Variants in WDR93 observed in about 807,000 individuals in gnomAD.
WDR93 encodes the protein WD repeat-containing protein 93.
A neutral mutation model predicts 82.9 loss-of-function variants in WDR93; 73 were observed. The ratio of observed to expected loss-of-function variants is 0.88; its 90% CI spans 0.73 to 1.07. The LOEUF (loss-of-function observed/expected upper bound fraction) is 1.07, where lower values mean the gene tolerates loss of function less well. Among genes scored for constraint, WDR93 ranks in the 50% least tolerant of loss-of-function variants. WDR93 has a pLI of 0.00. For synonymous variants in WDR93, 283 were observed against 300.1 expected, an observed-to-expected ratio of 0.94 and a Z score of 0.59; for missense variants, 738 against 826.0, an observed-to-expected ratio of 0.89 and a Z score of 1.31.
intron 16 of WDR93, among the ~76,000 whole-genome samples, chr15:89,741,726 A>G (rs1179419070): frequency 1.3e-5 from 2 of 152,082 alleles, no homozygotes; most frequent in Admixed American, 1.3e-4. Flanking sequence ...ATAACCGGTT[A>G]TATAAATCTA....
At chr15:89,732,910 A>C (rs1393947056) in intron 12 of WDR93, 96 bp from the exon 13 acceptor site, 1 of 1,179,754 alleles carries the variant, frequency 8.5e-7, no homozygotes, top group African/African-American at 1.5e-5. Context: ...TTCACATCCT[A>C]CAAGTCCCTC....
chr15:89,697,480 C>A (rs146949752), intron 1 of WDR93, among the ~76,000 whole-genome samples: 2,304 of 152,178 alleles, frequency 0.015, 29 homozygotes, highest in Non-Finnish European at 0.022. Flanking sequence ...TAAAATAATT[C>A]TGTTGCAGTC....
chr15:89,697,774 C>T (rs1965254458), intron 1 of WDR93, among the ~76,000 whole-genome samples: 1 of 152,012 alleles, frequency 6.6e-6, no homozygotes, highest in Admixed American at 6.6e-5. Context: ...TCCTGTTTCT[C>T]ATTAAATTCT....
rs16974175 is a variant in WDR93, at chr15:89,703,105, A to G, written c.459A>G (p.Leu153=). The part of the protein sequence containing the change: ...VDVTSIWATD[L]GNEILIAPVD... ...TCACTTCCATCTGGGCCACAGATTT[A>G]GGGAATGAAATACTCATTGCTCCTG... Residue 153 remains leucine, a synonymous_variant, in exon 3 of 17, where the codon TTA becomes TTG. Transcript: ENST00000268130. 0.44 allele frequency: 711,355 copies of G among 1,613,760 alleles called. 159,782 individuals carry two copies. Among genetic ancestry groups the G allele is most frequent in the African/African-American group, 0.5 (37,407 of 74,904 alleles).
chr15:89,690,489 T>C (rs1054629118), upstream of WDR93: 35 of 959,834 alleles, frequency 3.6e-5, no homozygotes, highest in African/African-American at 5.5e-4. Flanking sequence ...TACTAGGCTA[T>C]CACCTCCTTT....
In WDR93 at chr15:89,727,149, C is replaced by T. The variant is rs1260671528; in HGVS notation, c.881-8C>T. The T allele has an allele frequency of 2.4e-5, 38 of 1,611,958 alleles. No homozygotes were observed. Among genetic ancestry groups the T allele is most frequent in the Non-Finnish European group, 2.6e-5 (31 of 1,178,802 alleles). On this transcript the variant is annotated splice_region_variant and splice_polypyrimidine_tract_variant and intron_variant, in intron 8 of 16. Coordinates refer to ENST00000268130, the MANE Select transcript of WDR93 (RefSeq NM_020212.2). ...GGCTTGACTAATTCTGTAATATTTT[C>T]AACCTAGGCACCACATTCAAAAGCC...
rs377345020 is a variant in WDR93, at chr15:89,703,057, G to A, written c.411G>A (p.Ala137=). The A allele has an allele frequency of 2.3e-5, 37 of 1,614,064 alleles. 1 individual carries two copies. Among genetic ancestry groups the A allele is most frequent in the African/African-American group, 1.6e-4 (12 of 74,926 alleles). ...TGTACAGTGCTAAACAAATATATGC[G>A]TGGGAGAAGCTTAAGGTTGATGTCA... ...YNLYSAKQIY[A]WEKLKVDVTS... Residue 137 remains alanine, a synonymous_variant, in exon 3 of 17, where the codon GCG becomes GCA. Coordinates refer to ENST00000268130, the MANE Select transcript of WDR93 (RefSeq NM_020212.2).
intron 16 of WDR93, among the ~76,000 whole-genome samples, chr15:89,739,760 G>A (rs563019398): frequency 8.5e-5 from 13 of 152,218 alleles, no homozygotes; most frequent in African/African-American, 2.6e-4. Flanking sequence ...TGTATGTAAC[G>A]TGACCTCTGA....
At chr15:89,719,720 CCA>C (rs1242240449) in intron 7 of WDR93, 7 of 151,914 alleles carry the variant, frequency 4.6e-5, no homozygotes, top group African/African-American at 1.5e-4. Flanking sequence ...TCACTGATTT[CCA>C]GTTTGTTTTT....
rs764676468 is a variant in WDR93, at chr15:89,737,686, A to G, written c.1722A>G (p.Pro574=). 2 of 1,614,122 alleles carry G rather than the reference A, an allele frequency of 1.2e-6. No homozygotes were observed. The highest frequency in any genetic ancestry group is 1.7e-6 in the Non-Finnish European group (2 of 1,180,020). The change falls in exon 15 of 17, where the codon CCA becomes CCG. Residue 574 remains proline, a synonymous_variant. Coordinates refer to ENST00000268130, the MANE Select transcript of WDR93 (RefSeq NM_020212.2). The part of the protein sequence containing the change: ...GAFPLEVPWK[P]VFAVSPDHPC... ...TTCCTCTGGAGGTCCCCTGGAAGCC[A>G]GTGTTTGCTGTGTCTCCAGACCATC... is the stretch of plus-strand genomic sequence containing the variant.
At position 89,701,891 on chromosome 15, in the gene WDR93, G is replaced by T. The variant is rs753453742; in HGVS notation, c.145G>T (p.Glu49Ter). The change falls in exon 2 of 17, where the codon GAG becomes TAG. Residue 49 changes from glutamate (E) to a stop codon, truncating the protein, a stop_gained. Transcript: ENST00000268130. LOFTEE classifies it high-confidence loss of function. ...QDHVLVDPDE[E>*]LDSLPQPYRM... is the part of the protein sequence containing the mutation. ...TCATGTCCTCGTGGATCCAGATGAG[G>T]AGCTGGATTCCTTGCCTCAGCCTTA... is the stretch of plus-strand genomic sequence containing the variant. The T allele has an allele frequency of 6.2e-7, 1 of 1,614,194 alleles. No individual in the cohort carries two copies. Among genetic ancestry groups the T allele is most frequent in the Non-Finnish European group, 8.5e-7 (1 of 1,180,034 alleles).
chr15:89,697,177 T>C (rs972808128), intron 1 of WDR93, among the ~76,000 whole-genome samples: 1 of 152,138 alleles, frequency 6.6e-6, no homozygotes, highest in African/African-American at 2.4e-5. Context: ...TAGACTGGTG[T>C]CAGACTCCTG....
rs1160049269 is a variant in WDR93 at position 89,737,441 on chromosome 15, C to T, written c.1609-132C>T. ...AGGTCTCCAGCAGCCCTGGATGGAT[C>T]CAGAGGCTGGGGCCCAAGAGGTTTT... On this transcript the variant is annotated intron_variant, in intron 14 of 16. Transcript: ENST00000268130. 8.1e-6 allele frequency: 10 copies of T among 1,241,440 alleles called. No homozygotes were observed. In the South Asian group the frequency reaches 1.4e-4, roughly 18 times the overall value. 76.9% of individuals were successfully genotyped at this position (1,241,440 alleles called of 1,614,324 possible).
chr15:89,726,333 TC>T (rs1311084948), intron 8 of WDR93, among the ~76,000 whole-genome samples: 2 of 152,230 alleles, frequency 1.3e-5, no homozygotes, highest in Non-Finnish European at 2.9e-5. Flanking sequence ...GCCCTGAGAA[TC>T]TGTATTTTTA....
chr15:89,718,686 A>AT, intron 7 of WDR93, among the ~76,000 whole-genome samples: 1 of 152,332 alleles, frequency 6.6e-6, no homozygotes, highest in East Asian at 1.9e-4. Flanking sequence ...ATATATGAAT[A>AT]TATCACTCTT....
intron 12 of WDR93, among the ~76,000 whole-genome samples, chr15:89,732,634 C>G (rs1966874641): frequency 6.6e-6 from 1 of 151,934 alleles, no homozygotes; most frequent in South Asian, 2.1e-4. Flanking sequence ...CACACACACA[C>G]ACACACACCG....
intron 1 of WDR93, among the ~76,000 whole-genome samples, chr15:89,700,940 A>G (rs1965429309): frequency 6.6e-6 from 1 of 151,520 alleles, no homozygotes; most frequent in African/African-American, 2.4e-5. Flanking sequence ...TACAGACTTT[A>G]TATATTTATA....
chr15:89,731,648 G>T (rs1966860144), intron 12 of WDR93, 86 bp downstream of exon 12: 6 of 1,575,218 alleles, frequency 3.8e-6, no homozygotes, highest in Non-Finnish European at 5.2e-6. Context: ...ACAGGCCCTG[G>T]GCCTTCTGTT....
chr15:89,703,350 C>G (rs1965566197), intron 3 of WDR93: 1 of 587,600 alleles, frequency 1.7e-6, no homozygotes, highest in African/African-American at 1.9e-5. Flanking sequence ...CTCATGGCAG[C>G]CTTAGGGGGG....
Sources: allele counts gnomAD v4.1 joint callset (sites outside exome capture counted in the v4.1 genomes callset), GRCh38; gene constraint gnomAD v4.1.1; transcripts MANE v1.5; gene names NCBI Gene and HGNC (gene_info 2026-07-23, HGNC 2026-07-21).